Variants in SLC30A6 observed in about 807,000 individuals in gnomAD.
The protein encoded by SLC30A6 is zinc transporter 6.
In SLC30A6, 55 loss-of-function variants were observed where a neutral mutation model predicts 63.0. The observed-to-expected ratio is 0.87, with a 90% confidence interval of 0.70 to 1.09. The LOEUF is 1.09. SLC30A6 is among the 50% of genes least tolerant of loss of function. SLC30A6 has a pLI of 0.00. For missense variants in SLC30A6, 587 were observed against 549.2 expected, an observed-to-expected ratio of 1.07 and a Z score of -0.69; for synonymous variants, 224 against 186.1, an observed-to-expected ratio of 1.20 and a Z score of -1.66.
intron 7 of SLC30A6, 142 bp downstream of exon 7, chr2:32,193,095 T>C: frequency 2.0e-6 from 1 of 506,338 alleles, no homozygotes; most frequent in Non-Finnish European, 3.5e-6. Flanking sequence ...AATTCCCTAA[T>C]ACTAAGACTC....
rs1041110432 is a variant in SLC30A6, at chr2:32,210,250, G to A, written c.885+689G>A. Among the ~76,000 whole-genome samples the A allele has an allele frequency of 5.3e-5, 8 of 151,998 alleles. No homozygotes were observed. In the South Asian group the frequency reaches 1.5e-3, roughly 28 times the overall value. On this transcript the variant is annotated intron_variant, in intron 13 of 13. Transcript: ENST00000282587. ...TCACGGGCTGGGCGTGGTAGCTCAC[G>A]CCTGTAATACCAGCACTTTGGGAAG...
intron 11 of SLC30A6, among the ~76,000 whole-genome samples, chr2:32,206,440 C>CA (rs35790322): frequency 2.0e-4 from 29 of 146,618 alleles, no homozygotes; most frequent in Admixed American, 9.5e-4. Flanking sequence ...AGCGAGATTC[C>CA]AAAAAAAAAA....
At chr2:32,205,127 C>A (rs530329814) in intron 11 of SLC30A6, among the ~76,000 whole-genome samples, 1 of 152,102 alleles carries the variant, frequency 6.6e-6, no homozygotes, top group African/African-American at 2.4e-5. Flanking sequence ...TTTTTAATTA[C>A]AAAAGTTTTT....
At position 32,165,891 on chromosome 2, in the gene SLC30A6, G is replaced by A; in HGVS notation, c.-10G>A. 1 of 1,614,162 alleles carries A rather than the reference G, an allele frequency of 6.2e-7. No individual in the cohort carries two copies. The highest frequency in any genetic ancestry group is 8.5e-7 in the Non-Finnish European group (1 of 1,180,000). On this transcript the variant is annotated 5_prime_UTR_variant, in exon 1 of 14. Coordinates refer to ENST00000282587, the MANE Select transcript of SLC30A6 (RefSeq NM_017964.5). ...AACGGCTTCCGGCGGGAGCTGTGCA[G>A]CTCCTTATCATGGTGAGTTGGCTGT...
chr2:32,214,144 C>G (rs1294057174), intron 13 of SLC30A6, among the ~76,000 whole-genome samples: 1 of 152,014 alleles, frequency 6.6e-6, no homozygotes, highest in Non-Finnish European at 1.5e-5. Context: ...ACTGTGTTGG[C>G]CAGGCTGGTC....
Position 32,224,217 on chromosome 2 carries a change from A to G in SLC30A6, c.*3504A>G, listed in dbSNP as rs1686296379. 5.6e-6 allele frequency: 2 copies of G among 354,044 alleles called. No homozygotes were observed. The highest frequency in any genetic ancestry group is 1.0e-5 in the Non-Finnish European group (2 of 196,756). The allele number at this position is 354,044 out of a possible 1,614,324, so 21.9% of individuals were successfully genotyped here. ...CTCTTACATGCCAGGCACTATACTAAGTTAATATGCATTCAGTATACCAGT... is the reference window on the plus strand; with the variant it reads ...CTCTTACATGCCAGGCACTATACTAGGTTAATATGCATTCAGTATACCAGT... On this transcript the variant is annotated 3_prime_UTR_variant, in exon 14 of 14. Coordinates refer to ENST00000282587, the MANE Select transcript of SLC30A6 (RefSeq NM_017964.5).
At chr2:32,203,022 A>T in intron 10 of SLC30A6, 1 of 1,194,554 alleles carries the variant, frequency 8.4e-7, no homozygotes, top group East Asian at 2.3e-5. Context: ...AATAGCCATG[A>T]ATCCACACAT....
At chr2:32,213,807 T>TG (rs1383495384) in intron 13 of SLC30A6, among the ~76,000 whole-genome samples, 1 of 127,102 alleles carries the variant, frequency 7.9e-6, no homozygotes, top group East Asian at 2.1e-4. Context: ...TTTTTTTTTT[T>TG]TTTGTTTTTG....
At chr2:32,169,744 GTCC>G (rs1224476526) in intron 1 of SLC30A6, among the ~76,000 whole-genome samples, 8 of 152,176 alleles carry the variant, frequency 5.3e-5, no homozygotes, top group Non-Finnish European at 8.8e-5. Flanking sequence ...AAATCAGACT[GTCC>G]TCCTCAAAAG....
chr2:32,167,112 G>C (rs1680741976), intron 1 of SLC30A6, among the ~76,000 whole-genome samples: 1 of 151,802 alleles, frequency 6.6e-6, no homozygotes, highest in Non-Finnish European at 1.5e-5. Context: ...TTCCACTCTT[G>C]TTGCCCAGGC....
intron 5 of SLC30A6, 133 bp downstream of exon 5, chr2:32,184,471 T>A (rs1297469944): frequency 2.2e-6 from 1 of 458,014 alleles, no homozygotes; most frequent in Non-Finnish European, 3.7e-6. Flanking sequence ...GATCAGATAG[T>A]GAAAATAGAT....
chr2:32,206,403 G>A (rs1387793878), intron 11 of SLC30A6, among the ~76,000 whole-genome samples: 6 of 150,622 alleles, frequency 4.0e-5, no homozygotes, highest in African/African-American at 7.3e-5. Context: ...CCAAGATTGC[G>A]CCACTGCATT....
At chr2:32,220,116 AG>A in intron 13 of SLC30A6, 96 bp from the exon 14 acceptor site, 1 of 1,383,022 alleles carries the variant, frequency 7.2e-7, no homozygotes, top group Non-Finnish European at 9.7e-7. Flanking sequence ...AGAAAATGCC[AG>A]GAACTTACCA....
chr2:32,195,419 C>G (rs750331944), intron 8 of SLC30A6, among the ~76,000 whole-genome samples: 4 of 151,956 alleles, frequency 2.6e-5, no homozygotes, highest in Non-Finnish European at 2.9e-5. Flanking sequence ...TCATTAAATA[C>G]TCTTTGAATG....
chr2:32,194,027 C>G, intron 8 of SLC30A6, 44 bp downstream of exon 8: 4 of 1,484,484 alleles, frequency 2.7e-6, no homozygotes, highest in Non-Finnish European at 3.7e-6. Context: ...CAACTAATCT[C>G]TCATAAAAAC....
At chr2:32,200,393 C>T (rs1020442664) in intron 10 of SLC30A6, among the ~76,000 whole-genome samples, 3 of 151,434 alleles carry the variant, frequency 2.0e-5, no homozygotes, top group Non-Finnish European at 4.4e-5. Context: ...ATGACAATGG[C>T]GGTTTTGTGG....
At chr2:32,177,275 C>A (rs941486375) in intron 4 of SLC30A6, among the ~76,000 whole-genome samples, 1 of 152,104 alleles carries the variant, frequency 6.6e-6, no homozygotes. Context: ...GTCTTCTTAG[C>A]ACAATGCTTT....
intron 13 of SLC30A6, among the ~76,000 whole-genome samples, chr2:32,212,332 GT>G (rs1457486036): frequency 6.6e-6 from 1 of 151,836 alleles, no homozygotes; most frequent in Non-Finnish European, 1.5e-5. Context: ...CTGACATGTA[GT>G]TTTATCTGTC....
chr2:32,183,756 G>T (rs1682562677), intron 4 of SLC30A6, among the ~76,000 whole-genome samples: 1 of 151,290 alleles, frequency 6.6e-6, no homozygotes, highest in Admixed American at 6.6e-5. Flanking sequence ...GTCTAACGCA[G>T]ATAGTTGTTA....
Sources: gnomAD v4.1 joint callset for allele counts (sites outside exome capture counted in the v4.1 genomes callset) on GRCh38, gnomAD v4.1.1 for gene constraint, MANE v1.5 for transcripts, NCBI Gene and HGNC (gene_info 2026-07-23, HGNC 2026-07-21) for gene names.